The following ARID1B variants were observed in gnomAD, a reference collection of about 807,000 sequenced individuals.
ARID1B encodes AT-rich interaction domain 1B, also known as AT-rich interactive domain-containing protein 1B.
In ARID1B, 30 loss-of-function variants were observed where a neutral mutation model predicts 212.3. The ratio of observed to expected loss-of-function variants is 0.14; its 90% CI spans 0.11 to 0.19. ARID1B has a LOEUF of 0.19. Ranked by LOEUF, ARID1B falls within the 10% of genes least tolerant of loss-of-function variation. ARID1B has a pLI of 1.00. For synonymous variants in ARID1B, 1,402 were observed against 1,301.7 expected (o/e 1.08, Z -1.66); for missense variants, 2,891 against 3,204.0 (o/e 0.90, Z 2.36).
chr6:156,838,474 A>G (rs1178570986), intron 2 of ARID1B, among the ~76,000 whole-genome samples: 2 of 152,130 alleles, frequency 1.3e-5, no homozygotes, highest in African/African-American at 4.8e-5. Flanking sequence ...CTGTGCAGGG[A>G]TGGTTTTCCA....
At chr6:157,021,390 G>A (rs1780242793) in intron 4 of ARID1B, among the ~76,000 whole-genome samples, 1 of 152,214 alleles carries the variant, frequency 6.6e-6, no homozygotes, top group Non-Finnish European at 1.5e-5. Flanking sequence ...ACCCTGCCGC[G>A]GAGGCGCTGG....
intron 4 of ARID1B, chr6:157,072,665 C>A (rs1240426638): frequency 6.6e-6 from 1 of 152,088 alleles, no homozygotes; most frequent in Non-Finnish European, 1.5e-5. Flanking sequence ...TTACAATGTC[C>A]AGTTTTCTTA....
intron 4 of ARID1B, among the ~76,000 whole-genome samples, chr6:157,081,480 C>A (rs978842725): frequency 6.6e-6 from 1 of 152,138 alleles, no homozygotes; most frequent in Admixed American, 6.5e-5. Flanking sequence ...ATATAAAAGT[C>A]GCGTGAGTGT....
In ARID1B at chr6:157,181,018, A is replaced by T. The variant is rs2128316860; in HGVS notation, c.3554A>T (p.Glu1185Val). Residue 1185 changes from glutamate to valine, a missense_variant, in exon 12 of 20, where the codon GAG becomes GTG. Around this residue, in one of 7 missense-constraint regions of ARID1B, gnomAD observed 666 missense variants for 873.5 expected, o/e 0.76. Coordinates refer to ENST00000636930, the MANE Select transcript of ARID1B (RefSeq NM_001374828.1). The stretch of plus-strand genomic sequence containing the variant: ...GGGGAGAAGATCACGAAGGTGTACG[A>T]GCTGGGGAATGAGCCAGAGAGAAAG... ...TTGEKITKVY[E>V]LGNEPERKLW... 1 of 1,614,044 alleles carries T rather than the reference A, an allele frequency of 6.2e-7. No homozygotes were observed. The highest frequency in any genetic ancestry group is 1.1e-5 in the South Asian group (1 of 91,068).
chr6:156,813,202 G>C (rs287895), intron 1 of ARID1B, among the ~76,000 whole-genome samples: 100,220 of 149,426 alleles, frequency 0.67, 34,349 homozygotes, highest in African/African-American at 0.8. Flanking sequence ...CACCCAGGTT[G>C]AAGCAATTCT....
At chr6:156,994,889 A>G (rs1184421360) in intron 4 of ARID1B, among the ~76,000 whole-genome samples, 2 of 152,190 alleles carry the variant, frequency 1.3e-5, no homozygotes, top group Non-Finnish European at 1.5e-5. Flanking sequence ...CCAGCCATGC[A>G]CCAGTGCCTG....
chr6:156,883,761 G>A (rs1420899556), intron 2 of ARID1B, among the ~76,000 whole-genome samples: 2 of 152,308 alleles, frequency 1.3e-5, no homozygotes, highest in African/African-American at 4.8e-5. Context: ...AGGTGCTGGA[G>A]GTGCTGGAGG....
chr6:157,148,040 A>G lies in ARID1B; in HGVS notation c.2762-584A>G, dbSNP rs139303983. ...AAACCAGCTGCTCGATCTGGTACTCAAGCAAAAAAAGAAAGAAAGAAAGAA... is the reference window on the plus strand; with the variant it reads ...AAACCAGCTGCTCGATCTGGTACTCGAGCAAAAAAAGAAAGAAAGAAAGAA... On this transcript the variant is annotated intron_variant, in intron 7 of 19. Transcript: ENST00000636930. The surrounding 1 kb of genome is among the most constrained non-coding windows in gnomAD (Gnocchi z 5.6). 2.2e-4 allele frequency among the ~76,000 whole-genome samples: 33 copies of G among 150,556 alleles called. No individual in the cohort carries two copies. The highest frequency in any genetic ancestry group is 5.7e-4 in the African/African-American group (23 of 40,694).
At chr6:156,814,862 T>C (rs998629472) in intron 1 of ARID1B, among the ~76,000 whole-genome samples, 3 of 152,146 alleles carry the variant, frequency 2.0e-5, no homozygotes, top group African/African-American at 7.2e-5. Context: ...TCTGTACTCC[T>C]CATTTTTTTT....
chr6:156,941,793 C>A (rs1289256759), intron 4 of ARID1B: 4 of 152,054 alleles, frequency 2.6e-5, no homozygotes, highest in Non-Finnish European at 4.4e-5. Flanking sequence ...TGGAATTCTT[C>A]CAGGAAAAAA....
chr6:156,998,600 A>G (rs1441888796), intron 4 of ARID1B, among the ~76,000 whole-genome samples: 1 of 152,182 alleles, frequency 6.6e-6, no homozygotes, highest in Non-Finnish European at 1.5e-5. Flanking sequence ...GCGAGCTGAC[A>G]GTGGCTGTGC....
At chr6:156,949,438 A>G (rs1257065383) in intron 4 of ARID1B, among the ~76,000 whole-genome samples, 4 of 152,218 alleles carry the variant, frequency 2.6e-5, no homozygotes, top group African/African-American at 4.8e-5. Context: ...ACAAGTGTCC[A>G]CTGAATGTCA....
At chr6:156,853,655 C>T (rs1010438704) in intron 2 of ARID1B, among the ~76,000 whole-genome samples, 55 of 152,190 alleles carry the variant, frequency 3.6e-4, no homozygotes, top group African/African-American at 1.3e-3. Flanking sequence ...TCTTTGAGCT[C>T]TGAGGCTCAG....
intron 2 of ARID1B, among the ~76,000 whole-genome samples, chr6:156,860,626 C>G (rs1033196863): frequency 5.9e-5 from 9 of 152,118 alleles, no homozygotes; most frequent in Non-Finnish European, 1.3e-4. Context: ...CTTTCATTTA[C>G]TTGGAGGTGA....
chr6:156,875,144 A>G (rs914669323), intron 2 of ARID1B, among the ~76,000 whole-genome samples: 9 of 152,220 alleles, frequency 5.9e-5, no homozygotes, highest in African/African-American at 2.2e-4. Flanking sequence ...GCTGATGGCC[A>G]TTCATTTATT....
intron 15 of ARID1B, chr6:157,193,350 C>G (rs1793512450): frequency 6.6e-6 from 1 of 152,156 alleles, no homozygotes; most frequent in Non-Finnish European, 1.5e-5. Context: ...ATTGTTGAAT[C>G]AAAGGATATG....
intron 6 of ARID1B, 80 bp from the exon 7 acceptor site, chr6:157,132,948 C>T (rs2128584799): frequency 6.9e-7 from 1 of 1,444,858 alleles, no homozygotes; most frequent in Non-Finnish European, 9.3e-7. Context: ...CCACCTGCCA[C>T]ATCAGTCCAT....
chr6:157,039,322 CTTTT>C (rs1003131791), intron 4 of ARID1B, among the ~76,000 whole-genome samples: 14 of 102,948 alleles, frequency 1.4e-4, no homozygotes, highest in East Asian at 2.6e-4. Context: ...TTTGACATTT[CTTTT>C]TTTTTTTTTT....
intron 3 of ARID1B, 83 bp downstream of exon 3, chr6:156,901,608 TA>T (rs1364825340): frequency 3.4e-6 from 5 of 1,465,894 alleles, no homozygotes; most frequent in Non-Finnish European, 4.5e-6. Context: ...TGTCCTTTAT[TA>T]AAAATTATGT....
Sources: allele counts gnomAD v4.1 joint callset (sites outside exome capture counted in the v4.1 genomes callset), GRCh38; gene constraint gnomAD v4.1.1; regional missense constraint gnomAD v4.1.1; non-coding constraint Gnocchi (gnomAD v3.1); transcripts MANE v1.5; gene names NCBI Gene and HGNC (gene_info 2026-07-23, HGNC 2026-07-21).